The following EIF4G3 variants were observed in gnomAD, a reference collection of about 807,000 sequenced individuals.
EIF4G3 encodes the protein eIF-4-gamma 3.
In EIF4G3, 34 loss-of-function variants were observed where a neutral mutation model predicts 186.4. That is an observed-to-expected ratio of 0.18 (90% confidence interval 0.14 to 0.24). The LOEUF is 0.24. Among genes scored for constraint, EIF4G3 ranks in the 10% least tolerant of loss-of-function variants. The pLI, the probability that EIF4G3 is intolerant of heterozygous loss-of-function variation, is 1.00. For missense variants in EIF4G3, 1,536 were observed against 1,948.5 expected (o/e 0.79, Z 3.99); for synonymous variants, 673 against 679.5 (o/e 0.99, Z 0.15).
intron 29 of EIF4G3, among the ~76,000 whole-genome samples, chr1:20,843,503 T>C (rs10916876): frequency 0.58 from 88,282 of 151,604 alleles, 26,078 homozygotes; most frequent in East Asian, 0.83. Context: ...GGCGACACGG[T>C]GAGACTCTGT....
chr1:21,003,133 A>T (rs2154569065), intron 4 of EIF4G3, among the ~76,000 whole-genome samples: 1 of 149,878 alleles, frequency 6.7e-6, no homozygotes, highest in Admixed American at 6.6e-5. Context: ...AGTAGCTGGG[A>T]CTACCGGCAC....
At chr1:20,940,676 A>G (rs2095679260) in intron 14 of EIF4G3, among the ~76,000 whole-genome samples, 1 of 152,258 alleles carries the variant, frequency 6.6e-6, no homozygotes, top group Admixed American at 6.5e-5. Flanking sequence ...ATTATATAGC[A>G]TAGGGCAATG....
intron 2 of EIF4G3, among the ~76,000 whole-genome samples, chr1:21,089,495 C>T (rs1216089628): frequency 1.3e-5 from 2 of 152,092 alleles, no homozygotes; most frequent in Non-Finnish European, 2.9e-5. Flanking sequence ...ACTCTGCCAC[C>T]TTTACTTTGT....
intron 3 of EIF4G3, among the ~76,000 whole-genome samples, chr1:21,078,687 T>C (rs1385276101): frequency 6.6e-6 from 1 of 152,148 alleles, no homozygotes; most frequent in Non-Finnish European, 1.5e-5. Flanking sequence ...CTTGCATGCA[T>C]CAAAATAACA....
chr1:21,042,951 C>A (rs2093663467), intron 4 of EIF4G3, among the ~76,000 whole-genome samples: 1 of 152,166 alleles, frequency 6.6e-6, no homozygotes, highest in South Asian at 2.1e-4. Flanking sequence ...CCATAAAAAT[C>A]TAAAAATCTG....
intron 14 of EIF4G3, among the ~76,000 whole-genome samples, chr1:20,916,114 T>A (rs2093834830): frequency 1.3e-5 from 2 of 152,064 alleles, no homozygotes; most frequent in South Asian, 4.1e-4. Flanking sequence ...CATCTAAAGA[T>A]ATAAATTTGA....
At chr1:21,066,976 TTTA>T (rs1015405865) in intron 3 of EIF4G3, among the ~76,000 whole-genome samples, 2 of 152,190 alleles carry the variant, frequency 1.3e-5, no homozygotes, top group African/African-American at 4.8e-5. Context: ...ATTAAAGAAC[TTTA>T]TTATTATTTC....
intron 2 of EIF4G3, among the ~76,000 whole-genome samples, chr1:21,101,489 G>A (rs554772835): frequency 7.2e-6 from 1 of 138,946 alleles, no homozygotes; most frequent in African/African-American, 2.6e-5. Flanking sequence ...AGAATCACTC[G>A]AACCCAGGAG....
intron 33 of EIF4G3, among the ~76,000 whole-genome samples, chr1:20,821,087 T>C (rs1203011617): frequency 6.6e-6 from 1 of 151,804 alleles, no homozygotes; most frequent in Non-Finnish European, 1.5e-5. Flanking sequence ...GCCACAGAGG[T>C]TTCTGGCCAA....
intron 2 of EIF4G3, among the ~76,000 whole-genome samples, chr1:21,090,598 C>A (rs1464800334): frequency 3.9e-5 from 6 of 152,230 alleles, no homozygotes; most frequent in African/African-American, 1.2e-4. Flanking sequence ...ACAGTCAGTA[C>A]CTCCTTAAAA....
At chr1:21,079,491 G>A (rs532490355) in intron 3 of EIF4G3, among the ~76,000 whole-genome samples, 2 of 130,146 alleles carry the variant, frequency 1.5e-5, no homozygotes, top group Admixed American at 8.4e-5. Context: ...AACATAATGA[G>A]ACCTTGTCTC....
rs371807482 is a variant in EIF4G3 at position 21,148,894 on chromosome 1, T to C, written c.-272+27281A>G. The stretch of plus-strand genomic sequence containing the variant: ...AATTGTGGCACAGTCATATATCTAA[T>C]ACTATAAAGCCATTAAAGATGCCTT... On this transcript the variant is annotated intron_variant, in intron 2 of 36. Coordinates refer to ENST00000602326, the MANE Select transcript of EIF4G3 (RefSeq NM_001391906.1). Among the ~76,000 whole-genome samples, 77 of 151,946 alleles carry C rather than the reference T, an allele frequency of 5.1e-4. No individual in the cohort carries two copies. The South Asian group carries it at 8.9e-3, about 18-fold the overall frequency.
At chr1:21,166,785 T>C (rs1021354404) in intron 2 of EIF4G3, among the ~76,000 whole-genome samples, 14 of 152,022 alleles carry the variant, frequency 9.2e-5, no homozygotes, top group African/African-American at 3.4e-4. Context: ...TTTGTTTGTT[T>C]TGGGGGGTTT....
chr1:20,950,141 A>G, intron 12 of EIF4G3, 30 bp from the exon 13 acceptor site: 1 of 1,520,522 alleles, frequency 6.6e-7, no homozygotes, highest in Non-Finnish European at 8.8e-7. Context: ...AAAGGGTGAT[A>G]ATGAGCGTGC....
At chr1:21,040,616 G>T (rs940175495) in intron 4 of EIF4G3, among the ~76,000 whole-genome samples, 1 of 152,144 alleles carries the variant, frequency 6.6e-6, no homozygotes, top group African/African-American at 2.4e-5. Context: ...AAGTTTAAAT[G>T]CATATTCCTA....
intron 12 of EIF4G3, among the ~76,000 whole-genome samples, chr1:20,965,918 A>G (rs2074549579): frequency 6.6e-6 from 1 of 152,218 alleles, no homozygotes; most frequent in African/African-American, 2.4e-5. Flanking sequence ...TAATTGGGCT[A>G]AAGTTACAAA....
Position 20,817,435 on chromosome 1 carries a change from A to T in EIF4G3, c.4472T>A (p.Ile1491Asn), listed in dbSNP as rs569031168. 6.2e-7 allele frequency: 1 copy of T among 1,609,746 alleles called. No homozygotes were observed. The highest frequency in any genetic ancestry group is 2.2e-5 in the East Asian group (1 of 44,746). Reference sequence around the variant, plus strand: ...CTGTTCATCATTCGCTTTGTCCTCAATAATGAGTTTCTCGAGTCGCTTATA... The same window carrying T: ...CTGTTCATCATTCGCTTTGTCCTCATTAATGAGTTTCTCGAGTCGCTTATA... ...ELYKRLEKLI[I>N]EDKANDEQIF... Residue 1491 changes from isoleucine to asparagine, a missense_variant, in exon 34 of 37, where the codon ATT becomes AAT. By Grantham distance (149) the Ile-to-Asn change is moderately radical. Around this residue, in one of 11 missense-constraint regions of EIF4G3, gnomAD observed 395 missense variants for 498.9 expected, o/e 0.79. Coordinates refer to ENST00000602326, the MANE Select transcript of EIF4G3 (RefSeq NM_001391906.1).
In EIF4G3 at chr1:20,895,464, C is replaced by T; in HGVS notation, c.2037G>A (p.Gln679=). 6.2e-7 allele frequency: 1 copy of T among 1,614,090 alleles called. No individual in the cohort carries two copies. Among genetic ancestry groups the T allele is most frequent in the African/African-American group, 1.3e-5 (1 of 75,042 alleles). The change falls in exon 17 of 37, where the codon CAG becomes CAA. Residue 679 remains glutamine, a synonymous_variant. Coordinates refer to ENST00000602326, the MANE Select transcript of EIF4G3 (RefSeq NM_001391906.1). ...WKPTDTEGKK[Q]YDREFLLDFQ... The stretch of plus-strand genomic sequence containing the variant: ...AGTCCAGCAGAAACTCCCTGTCATA[C>T]TGCTTCTTACCTTCAGTATCAGTAG...
At chr1:20,807,623 T>G in intron 36 of EIF4G3, 123 bp from the exon 37 acceptor site, 2 of 834,602 alleles carry the variant, frequency 2.4e-6, no homozygotes, top group South Asian at 6.5e-5. Flanking sequence ...AAAGCAATAA[T>G]GACAATTCAC....
Sources: allele counts gnomAD v4.1 joint callset (sites outside exome capture counted in the v4.1 genomes callset), GRCh38; gene constraint gnomAD v4.1.1; regional missense constraint gnomAD v4.1.1; transcripts MANE v1.5; gene names NCBI Gene and HGNC (gene_info 2026-07-23, HGNC 2026-07-21).